The following KIZ variants were observed in gnomAD, a reference collection of about 807,000 sequenced individuals.
The protein encoded by KIZ is kizuna centrosomal protein.
Under a neutral mutation model 79.6 loss-of-function variants are expected in KIZ, and 68 were observed. The ratio of observed to expected loss-of-function variants is 0.85; its 90% CI spans 0.70 to 1.05. The LOEUF is 1.05. KIZ is among the 50% of genes least tolerant of loss of function. The pLI, the probability that KIZ is intolerant of heterozygous loss-of-function variation, is 0.00. For synonymous variants in KIZ, 280 were observed against 281.8 expected (o/e 0.99, Z 0.06); for missense variants, 797 against 800.4 (o/e 1.00, Z 0.05).
chr20:21,190,264 A>G (rs1227578157), intron 6 of KIZ, among the ~76,000 whole-genome samples: 1 of 152,248 alleles, frequency 6.6e-6, no homozygotes, highest in Non-Finnish European at 1.5e-5. Context: ...AGTAGTCCTC[A>G]CAGTTGACGG....
rs1055922094 is a variant in KIZ at position 21,152,030 on chromosome 20, C to A, written c.405+6376C>A. On this transcript the variant is annotated intron_variant, in intron 4 of 12. Coordinates refer to ENST00000619189, the MANE Select transcript of KIZ (RefSeq NM_018474.6). ...GCATTCCTCATGATCTGGGCAGCGT[C>A]CAAGGAATATTATTAAGAGAGCAAA... Among the ~76,000 whole-genome samples, 5 of 152,236 alleles carry A rather than the reference C, an allele frequency of 3.3e-5. No homozygotes were observed. The South Asian group carries it at 6.2e-4, about 19-fold the overall frequency.
chr20:21,163,240 T>A, intron 6 of KIZ, 81 bp downstream of exon 6: 1 of 925,252 alleles, frequency 1.1e-6, no homozygotes, highest in Non-Finnish European at 1.7e-6. Context: ...GGGAATGTAT[T>A]ATCGAGCACT....
intron 8 of KIZ, 50 bp downstream of exon 8, chr20:21,214,750 T>TCC (rs1229338649): frequency 8.2e-7 from 1 of 1,213,472 alleles, no homozygotes; most frequent in Admixed American, 1.7e-5. Flanking sequence ...TTCAGGGTCA[T>TCC]CATCATCTTT....
chr20:21,148,239 T>C (rs2032948224), intron 4 of KIZ, among the ~76,000 whole-genome samples: 1 of 152,150 alleles, frequency 6.6e-6, no homozygotes, highest in South Asian at 2.1e-4. Context: ...CATTCTGAAT[T>C]ATAAAAAGGT....
At chr20:21,192,928 C>A (rs573517373) in intron 6 of KIZ, among the ~76,000 whole-genome samples, 2 of 152,248 alleles carry the variant, frequency 1.3e-5, no homozygotes, top group Admixed American at 1.3e-4. Flanking sequence ...CTTCTTTCTG[C>A]AGTGTAAGTT....
intron 1 of KIZ, among the ~76,000 whole-genome samples, chr20:21,128,536 T>G (rs966074743): frequency 7.9e-5 from 12 of 152,232 alleles, no homozygotes. Flanking sequence ...ATAACCAGCA[T>G]ATTTCCAGCC....
intron 11 of KIZ, among the ~76,000 whole-genome samples, chr20:21,241,858 T>G (rs1174840843): frequency 1.3e-5 from 2 of 151,694 alleles, no homozygotes; most frequent in African/African-American, 4.8e-5. Context: ...GACTTTTTCC[T>G]TTTTTTTTCT....
At chr20:21,224,632 T>C (rs2036603897) in intron 9 of KIZ, among the ~76,000 whole-genome samples, 1 of 152,214 alleles carries the variant, frequency 6.6e-6, no homozygotes, top group Non-Finnish European at 1.5e-5. Context: ...TGCATCTCCC[T>C]TTGTTGTTTT....
At chr20:21,135,275 C>A (rs1386580554) in intron 2 of KIZ, among the ~76,000 whole-genome samples, 1 of 152,182 alleles carries the variant, frequency 6.6e-6, no homozygotes, top group Non-Finnish European at 1.5e-5. Flanking sequence ...ATTGTACCCA[C>A]TCCGGGTAGA....
intron 6 of KIZ, among the ~76,000 whole-genome samples, chr20:21,201,487 G>T (rs1264354431): frequency 6.6e-6 from 1 of 151,962 alleles, no homozygotes; most frequent in African/African-American, 2.4e-5. Flanking sequence ...AATTGAGTCG[G>T]CTTTGTATTG....
At chr20:21,170,089 T>C (rs2122783299) in intron 6 of KIZ, among the ~76,000 whole-genome samples, 1 of 152,216 alleles carries the variant, frequency 6.6e-6, no homozygotes, top group East Asian at 1.9e-4. Flanking sequence ...TACCAAGGAG[T>C]GTCATTGATG....
intron 6 of KIZ, chr20:21,166,400 T>G: frequency 6.3e-7 from 1 of 1,598,790 alleles, no homozygotes; most frequent in South Asian, 1.1e-5. Flanking sequence ...TTAGCCTGCC[T>G]GTGAGGTTCA....
chr20:21,221,326 A>G (rs2036495639), intron 9 of KIZ, among the ~76,000 whole-genome samples: 1 of 152,192 alleles, frequency 6.6e-6, no homozygotes, highest in African/African-American at 2.4e-5. Context: ...TGGGCACTTA[A>G]TTTGTCAAAT....
At chr20:21,133,616 G>A (rs1568904596) in intron 2 of KIZ, among the ~76,000 whole-genome samples, 1 of 152,202 alleles carries the variant, frequency 6.6e-6, no homozygotes, top group Non-Finnish European at 1.5e-5. Context: ...GATATGATTT[G>A]CTAAAAATAG....
intron 11 of KIZ, among the ~76,000 whole-genome samples, chr20:21,242,155 G>A (rs986868458): frequency 1.3e-5 from 2 of 152,166 alleles, no homozygotes; most frequent in Admixed American, 6.5e-5. Flanking sequence ...AGAGGGGGAG[G>A]ACTGGCACGT....
chr20:21,198,452 G>A (rs2035451853), intron 6 of KIZ: 1 of 152,556 alleles, frequency 6.6e-6, no homozygotes, highest in Non-Finnish European at 1.5e-5. Context: ...GTCTGTGAAA[G>A]CCCCTCTGAA....
In KIZ at chr20:21,126,661, T is replaced by TGTCA. The variant is rs536874496; in HGVS notation, c.89+458_89+461dup. On this transcript the variant is annotated intron_variant, in intron 1 of 12. Coordinates refer to ENST00000619189, the MANE Select transcript of KIZ (RefSeq NM_018474.6). ...GAACGCAGACGGTTGTGTGTGTGTGTGTCAAACATGTGCCCCCGTTTAAAC... is the reference window on the plus strand; with the variant it reads ...GAACGCAGACGGTTGTGTGTGTGTGTGTCAGTCAAACATGTGCCCCCGTTTAAAC... 6.4e-3 allele frequency among the ~76,000 whole-genome samples: 975 copies of TGTCA among 152,278 alleles called. 2 individuals are homozygous for TGTCA. Among genetic ancestry groups the TGTCA allele is most frequent in the Non-Finnish European group, 0.011 (742 of 68,020 alleles).
At chr20:21,142,097 T>A (rs565326065) in intron 3 of KIZ, among the ~76,000 whole-genome samples, 36 of 151,692 alleles carry the variant, frequency 2.4e-4, no homozygotes, top group African/African-American at 7.0e-4. Context: ...ACACACACAC[T>A]CTCTCTCACA....
At chr20:21,141,798 AACACACACACAC>A (rs373681499) in intron 3 of KIZ, among the ~76,000 whole-genome samples, 2 of 133,274 alleles carry the variant, frequency 1.5e-5, no homozygotes, top group Admixed American at 7.4e-5. Flanking sequence ...TACTCCTCCC[AACACACACACAC>A]ACACACACAC....
Sources: allele counts gnomAD v4.1 joint callset (sites outside exome capture counted in the v4.1 genomes callset), GRCh38; gene constraint gnomAD v4.1.1; transcripts MANE v1.5; gene names NCBI Gene and HGNC (gene_info 2026-07-23, HGNC 2026-07-21).